PTPRD: variants seen among roughly 807,000 people sequenced by gnomAD.
The protein encoded by PTPRD is protein tyrosine phosphatase receptor type D.
A neutral mutation model predicts 214.5 loss-of-function variants in PTPRD; 34 were observed. That is an observed-to-expected ratio of 0.16 (90% CI 0.12 to 0.21). PTPRD has a LOEUF of 0.21. Ranked by LOEUF, PTPRD falls within the 10% of genes least tolerant of loss-of-function variation. The pLI is 1.00. For missense variants in PTPRD, 2,545 were observed against 2,398.7 expected (o/e 1.06, Z -1.27); for synonymous variants, 1,128 against 845.7 (o/e 1.33, Z -5.79).
At chr9:9,143,929 C>CACAA (rs2099864299) in intron 10 of PTPRD, among the ~76,000 whole-genome samples, 1 of 152,198 alleles carries the variant, frequency 6.6e-6, no homozygotes, top group African/African-American at 2.4e-5. Flanking sequence ...GAGGTTTTCT[C>CACAA]ATGTGATCAT....
chr9:9,268,908 A>G (rs552850359), intron 9 of PTPRD, among the ~76,000 whole-genome samples: 6 of 151,094 alleles, frequency 4.0e-5, no homozygotes, highest in Non-Finnish European at 7.4e-5. Context: ...AGAATTCCAG[A>G]AGAAAACATA....
At chr9:8,392,659 C>A (rs1287642781) in intron 36 of PTPRD, among the ~76,000 whole-genome samples, 1 of 152,128 alleles carries the variant, frequency 6.6e-6, no homozygotes, top group African/African-American at 2.4e-5. Context: ...TAGTTTGATA[C>A]CTATTTGTAA....
At chr9:9,464,914 G>T (rs148202198) in intron 8 of PTPRD, among the ~76,000 whole-genome samples, 2 of 152,108 alleles carry the variant, frequency 1.3e-5, no homozygotes, top group East Asian at 3.9e-4. Flanking sequence ...CAATGCAGGC[G>T]TCTAGAGCAT....
chr9:10,531,139 G>A (rs943172054), intron 2 of PTPRD, among the ~76,000 whole-genome samples: 43 of 151,780 alleles, frequency 2.8e-4, no homozygotes, highest in African/African-American at 8.5e-4. Context: ...TAGTAGAGAC[G>A]GGGTTTCACC....
chr9:9,072,775 T>G (rs2099745642), intron 10 of PTPRD, among the ~76,000 whole-genome samples: 1 of 152,178 alleles, frequency 6.6e-6, no homozygotes, highest in Admixed American at 6.6e-5. Context: ...AGCCCACACT[T>G]TTAAACACTA....
intron 5 of PTPRD, among the ~76,000 whole-genome samples, chr9:9,882,044 T>C (rs2068900471): frequency 6.6e-6 from 1 of 152,092 alleles, no homozygotes; most frequent in Non-Finnish European, 1.5e-5. Context: ...TCAATATCTA[T>C]ATAGTTGAAA....
Position 8,711,764 on chromosome 9 carries a change from G to A in PTPRD, c.64+22016C>T, listed in dbSNP as rs111684610. Reference sequence around the variant, plus strand: ...CCACCACACCAGAGACTGATAAAACGTATTTCTCCCAGCCCATAAATGTTT... The same window carrying A: ...CCACCACACCAGAGACTGATAAAACATATTTCTCCCAGCCCATAAATGTTT... On this transcript the variant is annotated intron_variant, in intron 12 of 45. Coordinates refer to ENST00000381196, the MANE Select transcript of PTPRD (RefSeq NM_002839.4). 9.5e-3 allele frequency among the ~76,000 whole-genome samples: 1,447 copies of A among 152,204 alleles called. 34 individuals carry two copies. The highest frequency in any genetic ancestry group is 0.033 in the African/African-American group (1,358 of 41,530).
chr9:9,300,122 T>C (rs976971630), intron 9 of PTPRD, among the ~76,000 whole-genome samples: 2 of 150,994 alleles, frequency 1.3e-5, no homozygotes, highest in Non-Finnish European at 3.0e-5. Flanking sequence ...CTTGCCTTCT[T>C]CCAATCCATG....
intron 6 of PTPRD, among the ~76,000 whole-genome samples, chr9:9,764,914 T>G (rs1323214884): frequency 2.6e-5 from 4 of 152,154 alleles, no homozygotes; most frequent in African/African-American, 9.7e-5. Flanking sequence ...AAAAGAGTGG[T>G]AATGACTAAC....
chr9:9,185,864 A>AT (rs561647790), intron 9 of PTPRD, among the ~76,000 whole-genome samples: 4 of 130,278 alleles, frequency 3.1e-5, no homozygotes, highest in South Asian at 3.0e-4. Context: ...ATTTTAGATA[A>AT]TTTTTTTTCT....
intron 11 of PTPRD, among the ~76,000 whole-genome samples, chr9:8,859,708 A>G (rs1377642493): frequency 1.3e-5 from 2 of 151,294 alleles, no homozygotes; most frequent in African/African-American, 4.8e-5. Flanking sequence ...CCACCGAAGG[A>G]TTGGTCAGTA....
chr9:10,082,591 A>T (rs1265485916), intron 3 of PTPRD, among the ~76,000 whole-genome samples: 1 of 152,040 alleles, frequency 6.6e-6, no homozygotes, highest in Non-Finnish European at 1.5e-5. Context: ...TAGAAACTTC[A>T]TATGCATCTC....
At chr9:9,792,545 A>T (rs1242167258) in intron 5 of PTPRD, among the ~76,000 whole-genome samples, 1 of 152,214 alleles carries the variant, frequency 6.6e-6, no homozygotes, top group Non-Finnish European at 1.5e-5. Flanking sequence ...AAAAAATAGA[A>T]CAATTTTAGG....
At chr9:8,882,815 G>A (rs2098457403) in intron 11 of PTPRD, among the ~76,000 whole-genome samples, 1 of 142,356 alleles carries the variant, frequency 7.0e-6, no homozygotes, top group Admixed American at 7.4e-5. Context: ...AAGCCAGGAG[G>A]TGTAGGTTGC....
At chr9:8,629,087 C>G (rs148867024) in intron 14 of PTPRD, among the ~76,000 whole-genome samples, 233 of 151,560 alleles carry the variant, frequency 1.5e-3, no homozygotes, top group African/African-American at 5.4e-3. Flanking sequence ...GAGATAAGAG[C>G]AAAATAATGT....
chr9:9,663,304 C>T (rs1014231159), intron 7 of PTPRD, among the ~76,000 whole-genome samples: 4 of 151,146 alleles, frequency 2.6e-5, no homozygotes, highest in African/African-American at 9.7e-5. Context: ...AAAAAATAAC[C>T]ATTGTAAATA....
At chr9:9,281,109 C>G (rs935836948) in intron 9 of PTPRD, among the ~76,000 whole-genome samples, 1 of 151,146 alleles carries the variant, frequency 6.6e-6, no homozygotes, top group African/African-American at 2.4e-5. Flanking sequence ...TAAATGGACT[C>G]AAAAGCAAAC....
chr9:8,632,656 T>G (rs2096288768), intron 14 of PTPRD, among the ~76,000 whole-genome samples: 1 of 151,950 alleles, frequency 6.6e-6, no homozygotes, highest in South Asian at 2.1e-4. Flanking sequence ...ACTCTCATTG[T>G]AAAGGAAGTC....
chr9:9,367,548 G>A, intron 9 of PTPRD, among the ~76,000 whole-genome samples: 1 of 151,506 alleles, frequency 6.6e-6, no homozygotes. Flanking sequence ...GATCTGTACT[G>A]TTCAACTGAA....
Sources: gnomAD v4.1 joint callset for allele counts (sites outside exome capture counted in the v4.1 genomes callset) on GRCh38, gnomAD v4.1.1 for gene constraint, MANE v1.5 for transcripts, NCBI Gene and HGNC (gene_info 2026-07-23, HGNC 2026-07-21) for gene names.